NBPF12: variants seen among roughly 807,000 people sequenced by gnomAD.
NBPF12 encodes NBPF family member NBPF12.
In NBPF12, 115 loss-of-function variants were observed where a neutral mutation model predicts 146.4. The ratio of observed to expected loss-of-function variants is 0.79; its 90% CI spans 0.68 to 0.92. The LOEUF (loss-of-function observed/expected upper bound fraction) is 0.92, where lower values mean the gene tolerates loss of function less well. Among genes scored for constraint, NBPF12 ranks in the 40% least tolerant of loss-of-function variants. The probability of loss-of-function intolerance (pLI) is 0.00; values close to 1 mark genes in which losing one functional copy is unlikely to be tolerated. For synonymous variants in NBPF12, 385 were observed against 508.9 expected (o/e 0.76, Z 3.28); for missense variants, 1,205 against 1,326.8 (o/e 0.91, Z 1.43).
Position 146,964,874 on chromosome 1 carries a change from G to A in NBPF12, c.567-19G>A, listed in dbSNP as rs1399553547. 6 of 1,551,962 alleles carry A rather than the reference G, an allele frequency of 3.9e-6. No homozygotes were observed. Among genetic ancestry groups the A allele is most frequent in the Middle Eastern group, 2.3e-4 (1 of 4,350 alleles). ...CTGTGTTTAATCTTCTGTCATCTCT[G>A]TCCCACCTGGCTCATCAGGGAGGTG... On this transcript the variant is annotated intron_variant, in intron 7 of 33. Coordinates refer to ENST00000617844, the Ensembl canonical transcript of NBPF12.
intron 33 of NBPF12, among the ~76,000 whole-genome samples, chr1:146,994,098 GTC>G (rs1658359158): frequency 1.5e-5 from 1 of 66,338 alleles, no homozygotes; most frequent in Non-Finnish European, 3.3e-5. Context: ...CTTTCTCTCT[GTC>G]TCTGTCTCTG....
intron 27 of NBPF12, among the ~76,000 whole-genome samples, chr1:146,989,190 C>T (rs1484701207): frequency 0.018 from 2,148 of 121,142 alleles, 25 homozygotes; most frequent in Non-Finnish European, 0.02. Flanking sequence ...GCCACTGCAT[C>T]GAATTTTGAG....
At chr1:146,945,652 G>A (rs1419969034), upstream of NBPF12, among the ~76,000 whole-genome samples, 1 of 150,964 alleles carries the variant, frequency 6.6e-6, no homozygotes, top group Non-Finnish European at 1.5e-5. Context: ...TTTTAGAACA[G>A]TTCTAGGTTT....
chr1:146,972,447 C>CT (rs1656711293), intron 13 of NBPF12, among the ~76,000 whole-genome samples: 1 of 151,382 alleles, frequency 6.6e-6, no homozygotes, highest in African/African-American at 2.4e-5. Flanking sequence ...AAAATGAAAT[C>CT]TTTTGTGCTA....
upstream of NBPF12, among the ~76,000 whole-genome samples, chr1:146,947,809 A>T (rs1395813832): frequency 6.6e-6 from 1 of 151,364 alleles, no homozygotes; most frequent in Admixed American, 6.6e-5. Flanking sequence ...CATTCTAGGG[A>T]TGGTTTTTGG....
At chr1:146,952,325 TG>T (rs1655359609) in intron 2 of NBPF12, among the ~76,000 whole-genome samples, 1 of 152,108 alleles carries the variant, frequency 6.6e-6, no homozygotes, top group Non-Finnish European at 1.5e-5. Flanking sequence ...CCGTGTGGTC[TG>T]TGGTTCTCTG....
upstream of NBPF12, among the ~76,000 whole-genome samples, chr1:146,947,031 T>C (rs1218254615): frequency 6.6e-6 from 1 of 151,936 alleles, no homozygotes; most frequent in Non-Finnish European, 1.5e-5. Flanking sequence ...CATGCATCTA[T>C]TTGTGTGTGT....
Position 146,971,923 on chromosome 1 carries a change from C to CA in NBPF12, c.1591+544dup, listed in dbSNP as rs1183344325. 8.2e-4 allele frequency among the ~76,000 whole-genome samples: 113 copies of CA among 138,590 alleles called. 1 individual carries two copies. Among genetic ancestry groups the CA allele is most frequent in the Non-Finnish European group, 1.1e-3 (72 of 65,248 alleles). The allele number at this position is 138,590 out of a possible 152,430, so 90.9% of individuals were successfully genotyped here. A position where few individuals can be genotyped will look rare whatever the true frequency, so the allele number is the denominator to read the frequency against. ...TGAAACCCCATCTTTACTAAAAATA[C>CA]AAAAAAAAAAAAAAATTAGCTGGGC... On this transcript the variant is annotated intron_variant, in intron 13 of 33. Coordinates refer to ENST00000617844, the Ensembl canonical transcript of NBPF12.
chr1:146,990,667 GT>G, intron 29 of NBPF12, 150 bp downstream of exon 32: 1 of 572,978 alleles, frequency 1.7e-6, no homozygotes, highest in Non-Finnish European at 3.0e-6. Context: ...TGCAGTAGAT[GT>G]TTAGGTTTCC....
At chr1:146,977,815 T>C (rs1657143664) in intron 18 of NBPF12, 144 bp downstream of exon 21, 3 of 687,452 alleles carry the variant, frequency 4.4e-6, no homozygotes, top group East Asian at 5.4e-5. Flanking sequence ...TTTTTGTCCT[T>C]CTCAGCTAAT....
intron 7 of NBPF12, among the ~76,000 whole-genome samples, chr1:146,964,686 C>T (rs1656079438): frequency 6.6e-6 from 1 of 151,974 alleles, no homozygotes; most frequent in Non-Finnish European, 1.5e-5. Flanking sequence ...CACTGAACAC[C>T]AGCTGCTCTC....
At chr1:146,980,651 G>T (rs1394188360) in intron 19 of NBPF12, among the ~76,000 whole-genome samples, 2 of 151,982 alleles carry the variant, frequency 1.3e-5, no homozygotes, top group East Asian at 3.9e-4. Flanking sequence ...GAGAGGATGT[G>T]GAGAAATCGA....
rs1281211112 is a variant in NBPF12, at chr1:146,966,005, G to A, written c.779-459G>A. Reference sequence around the variant, plus strand: ...GCTTGTAATCCCAGATGCTTGGCAGGCTGAGTGATGAGAATCGCTTGAACC... The same window carrying A: ...GCTTGTAATCCCAGATGCTTGGCAGACTGAGTGATGAGAATCGCTTGAACC... On this transcript the variant is annotated intron_variant, in intron 8 of 33. Transcript: ENST00000617844. Among the ~76,000 whole-genome samples the A allele has an allele frequency of 2.0e-5, 3 of 151,556 alleles. 1 individual carries two copies. The highest frequency in any genetic ancestry group is 4.9e-5 in the African/African-American group (2 of 41,002).
chr1:146,970,861 CAG>C, intron 12 of NBPF12, 142 bp downstream of exon 15: 7 of 983,798 alleles, frequency 7.1e-6, no homozygotes, highest in Admixed American at 1.7e-5. Flanking sequence ...AGCTTAGACA[CAG>C]GGTGTGGCAG....
At chr1:146,963,353 T>C in intron 6 of NBPF12, 44 bp downstream of exon 9, 2 of 1,590,258 alleles carry the variant, frequency 1.3e-6, no homozygotes, top group Admixed American at 3.4e-5. Flanking sequence ...CCCAGGCTTA[T>C]GAGAGGCTCC....
chr1:146,967,287 G>C (rs1320603777), intron 9 of NBPF12, among the ~76,000 whole-genome samples: 1 of 150,802 alleles, frequency 6.6e-6, no homozygotes, highest in Non-Finnish European at 1.5e-5. Context: ...TAGAGCACGA[G>C]GTCAGGAGTT....
chr1:146,984,935 C>T lies in NBPF12; in HGVS notation c.2789C>T (p.Ala930Val). The T allele has an allele frequency of 4.5e-6, 7 of 1,539,958 alleles. No individual in the cohort carries two copies. The South Asian group carries it at 6.7e-5, about 15-fold the overall frequency. Residue 930 changes from alanine to valine, a missense_variant, in exon 22 of 34, where the codon GCC (alanine) becomes GTC (valine). By Grantham distance (64) the Ala-to-Val change is moderately conservative. Coordinates refer to ENST00000617844, the Ensembl canonical transcript of NBPF12. ...GACTCATGCCAGCCCTACAGAAGTG[C>T]CTTTTACGTATTGGAGCAACAGCGT...
intron 31 of NBPF12, among the ~76,000 whole-genome samples, chr1:146,992,462 C>CTCTCTCTCTCTGTG (rs1450490306): frequency 1.5e-5 from 1 of 66,272 alleles, no homozygotes; most frequent in African/African-American, 7.2e-5. Context: ...CTCTCTCTCT[C>CTCTCTCTCTCTGTG]TGTGTGTGTG....
At chr1:146,970,835 A>G (rs1243327027) in intron 12 of NBPF12, 116 bp downstream of exon 15, 2 of 1,067,750 alleles carry the variant, frequency 1.9e-6, no homozygotes, top group African/African-American at 1.6e-5. Context: ...TGGCCACAGT[A>G]TGTGAAATTC....
Sources: allele counts gnomAD v4.1 joint callset (sites outside exome capture counted in the v4.1 genomes callset), GRCh38; gene constraint gnomAD v4.1.1; transcripts MANE v1.5; gene names NCBI Gene and HGNC (gene_info 2026-07-23, HGNC 2026-07-21).